SLC9A9: variants seen among roughly 807,000 people sequenced by gnomAD.
SLC9A9 encodes the protein sodium/hydrogen exchanger 9.
SLC9A9 carries 62 observed loss-of-function variants against 77.8 expected under a neutral mutation model. The ratio of observed to expected loss-of-function variants is 0.80; its 90% CI spans 0.65 to 0.98. SLC9A9 has a LOEUF of 0.98. Ranked by LOEUF, SLC9A9 falls within the 50% of genes least tolerant of loss-of-function variation. SLC9A9 has a pLI of 0.00. For synonymous variants in SLC9A9, 320 were observed against 283.5 expected (o/e 1.13, Z -1.29); for missense variants, 775 against 774.9 (o/e 1.00, Z 0.00).
At chr3:143,338,351 T>C (rs1357651176) in intron 14 of SLC9A9, among the ~76,000 whole-genome samples, 1 of 152,348 alleles carries the variant, frequency 6.6e-6, no homozygotes, top group Non-Finnish European at 1.5e-5. Context: ...TATTTGGTCT[T>C]GGTATTTCTC....
At chr3:143,317,098 A>G (rs2031239464) in intron 14 of SLC9A9, among the ~76,000 whole-genome samples, 1 of 152,216 alleles carries the variant, frequency 6.6e-6, no homozygotes, top group Admixed American at 6.5e-5. Flanking sequence ...AATCTCTGTC[A>G]CAGACCTCCT....
intron 14 of SLC9A9, among the ~76,000 whole-genome samples, chr3:143,325,964 T>C (rs919171179): frequency 6.6e-6 from 1 of 152,236 alleles, no homozygotes; most frequent in African/African-American, 2.4e-5. Flanking sequence ...TGTTTTTTAA[T>C]GGTTGAAACT....
intron 4 of SLC9A9, among the ~76,000 whole-genome samples, chr3:143,708,095 G>A (rs1560042201): frequency 6.6e-6 from 1 of 152,286 alleles, no homozygotes; most frequent in Non-Finnish European, 1.5e-5. Flanking sequence ...CCAAGCATGA[G>A]TATGGAATGG....
At chr3:143,391,279 CATTTGCTGTTCAGCAAT>C (rs2033559037) in intron 12 of SLC9A9, among the ~76,000 whole-genome samples, 1 of 152,226 alleles carries the variant, frequency 6.6e-6, no homozygotes, top group African/African-American at 2.4e-5. Context: ...CAGGCAGCAA[CATTTGCTGTTCAGCAAT>C]ATTTGCTGTT....
chr3:143,730,710 G>A (rs1381110415), intron 4 of SLC9A9, among the ~76,000 whole-genome samples: 2 of 151,956 alleles, frequency 1.3e-5, no homozygotes, highest in African/African-American at 4.8e-5. Flanking sequence ...ATAAATTTCG[G>A]TGCCTATTGA....
At chr3:143,367,619 C>T (rs972835126) in intron 13 of SLC9A9, among the ~76,000 whole-genome samples, 33 of 152,146 alleles carry the variant, frequency 2.2e-4, no homozygotes, top group African/African-American at 8.0e-4. Context: ...TTTGAAATCA[C>T]CCTGGAACAG....
intron 9 of SLC9A9, among the ~76,000 whole-genome samples, chr3:143,522,988 C>T (rs928751262): frequency 2.6e-5 from 4 of 152,040 alleles, no homozygotes; most frequent in East Asian, 3.9e-4. Context: ...ATTAGGCCTT[C>T]GTGATTTCAT....
intron 12 of SLC9A9, among the ~76,000 whole-genome samples, chr3:143,382,686 T>C (rs58810476): frequency 0.026 from 3,930 of 152,200 alleles, 192 homozygotes; most frequent in African/African-American, 0.089. Context: ...GAAGGATAAG[T>C]TACAAAAAAA....
At chr3:143,299,495 G>A (rs1014705243) in intron 14 of SLC9A9, among the ~76,000 whole-genome samples, 7 of 151,708 alleles carry the variant, frequency 4.6e-5, no homozygotes, top group Admixed American at 1.3e-4. Context: ...CCAGGTTGGA[G>A]TGCAGTGGTG....
At chr3:143,825,894 A>G (rs373263273) in intron 2 of SLC9A9, among the ~76,000 whole-genome samples, 1 of 69,580 alleles carries the variant, frequency 1.4e-5, no homozygotes, top group Admixed American at 2.2e-4. Flanking sequence ...TATTATAAAC[A>G]CCTAACATGC....
chr3:143,342,163 T>G (rs2108464814), intron 14 of SLC9A9: 1 of 152,348 alleles, frequency 6.6e-6, no homozygotes, highest in East Asian at 1.9e-4. Flanking sequence ...GGAAGGGATC[T>G]CTCAATGAAA....
At chr3:143,331,520 A>G (rs956342553) in intron 14 of SLC9A9, among the ~76,000 whole-genome samples, 3 of 152,206 alleles carry the variant, frequency 2.0e-5, no homozygotes, top group African/African-American at 4.8e-5. Context: ...GTCTCTCCAG[A>G]TGGAAGTTTT....
At chr3:143,764,712 A>G (rs2007244358) in intron 4 of SLC9A9, among the ~76,000 whole-genome samples, 1 of 152,078 alleles carries the variant, frequency 6.6e-6, no homozygotes, top group Non-Finnish European at 1.5e-5. Flanking sequence ...ATGCACTACC[A>G]TACCCAACTA....
intron 14 of SLC9A9, among the ~76,000 whole-genome samples, chr3:143,321,699 C>T (rs528487710): frequency 1.3e-5 from 2 of 152,290 alleles, no homozygotes; most frequent in South Asian, 4.1e-4. Flanking sequence ...ACATCCATTG[C>T]TCTGAATTAT....
At chr3:143,697,897 C>T (rs893584601) in intron 4 of SLC9A9, among the ~76,000 whole-genome samples, 1 of 152,108 alleles carries the variant, frequency 6.6e-6, no homozygotes, top group Admixed American at 6.6e-5. Flanking sequence ...TAGCAAAGGC[C>T]ATTATCAATG....
In SLC9A9 at chr3:143,707,369, TACACACACAC is replaced by T. The variant is rs67386185; in HGVS notation, c.534-14072_534-14063del. ...AGTACATTTTATATATTTTAAAATCTACACACACACACACACACACACACACACACACCCC... is the reference window on the plus strand; with the variant it reads ...AGTACATTTTATATATTTTAAAATCTACACACACACACACACACACACCCC... On this transcript the variant is annotated intron_variant, in intron 4 of 15. Transcript: ENST00000316549. Among the ~76,000 whole-genome samples the T allele has an allele frequency of 2.1e-4, 32 of 149,236 alleles. No homozygotes were observed. The East Asian group carries it at 3.8e-3, about 18-fold the overall frequency.
chr3:143,793,748 G>A (rs1322017777), intron 4 of SLC9A9, among the ~76,000 whole-genome samples: 1 of 152,144 alleles, frequency 6.6e-6, no homozygotes, highest in African/African-American at 2.4e-5. Context: ...TCTCATCTTC[G>A]AATGAGAGGC....
At chr3:143,374,726 A>C (rs747907722) in intron 13 of SLC9A9, among the ~76,000 whole-genome samples, 2 of 152,200 alleles carry the variant, frequency 1.3e-5, no homozygotes, top group Non-Finnish European at 2.9e-5. Flanking sequence ...AAATAAGCAC[A>C]TTATGGAAAA....
At chr3:143,364,582 C>T (rs904105072) in intron 13 of SLC9A9, among the ~76,000 whole-genome samples, 1 of 151,998 alleles carries the variant, frequency 6.6e-6, no homozygotes, top group Non-Finnish European at 1.5e-5. Context: ...TTTTTTTTGT[C>T]CTTTTCTAGC....
Sources: gnomAD v4.1 joint callset for allele counts (sites outside exome capture counted in the v4.1 genomes callset) on GRCh38, gnomAD v4.1.1 for gene constraint, MANE v1.5 for transcripts, NCBI Gene and HGNC (gene_info 2026-07-23, HGNC 2026-07-21) for gene names.